Variants in SMOC2 observed in about 807,000 individuals in gnomAD.
SMOC2 encodes SPARC-related modular calcium-binding protein 2.
Under a neutral mutation model 61.4 loss-of-function variants are expected in SMOC2, and 39 were observed. The ratio of observed to expected loss-of-function variants is 0.64; its 90% CI spans 0.49 to 0.83. SMOC2 has a LOEUF of 0.83. Ranked by LOEUF, SMOC2 falls within the 40% of genes least tolerant of loss-of-function variation. The pLI, the probability that SMOC2 is intolerant of heterozygous loss-of-function variation, is 0.00. For synonymous variants in SMOC2, 247 were observed against 239.9 expected (o/e 1.03, Z -0.27); for missense variants, 556 against 592.9 (o/e 0.94, Z 0.65).
intron 2 of SMOC2, among the ~76,000 whole-genome samples, chr6:168,519,644 A>C (rs528434844): frequency 2.3e-4 from 35 of 152,232 alleles, no homozygotes; most frequent in African/African-American, 8.4e-4. Context: ...CACCAAACCC[A>C]AGGCACCGGC....
At chr6:168,634,240 G>T (rs1199248678) in intron 9 of SMOC2, among the ~76,000 whole-genome samples, 1 of 152,146 alleles carries the variant, frequency 6.6e-6, no homozygotes, top group African/African-American at 2.4e-5. Context: ...CTACTTCATG[G>T]CTGAGCCTCT....
At chr6:168,636,593 G>A (rs74636706) in intron 9 of SMOC2, among the ~76,000 whole-genome samples, 3,202 of 152,304 alleles carry the variant, frequency 0.021, 100 homozygotes, top group African/African-American at 0.065. Flanking sequence ...GACTCCCCAC[G>A]AAGGAGTACA....
intron 11 of SMOC2, among the ~76,000 whole-genome samples, chr6:168,653,612 C>T (rs572110982): frequency 5.2e-4 from 77 of 147,322 alleles, no homozygotes; most frequent in African/African-American, 1.8e-3. Flanking sequence ...ACCAACCCTG[C>T]TCCTGAGCTC....
At chr6:168,662,438 A>G (rs1787532165) in intron 11 of SMOC2, among the ~76,000 whole-genome samples, 1 of 152,166 alleles carries the variant, frequency 6.6e-6, no homozygotes, top group Admixed American at 6.5e-5. Context: ...CAGCCTGCAG[A>G]GGACAGCAGG....
At chr6:168,463,233 C>A (rs1276803598) in intron 1 of SMOC2, among the ~76,000 whole-genome samples, 1 of 152,132 alleles carries the variant, frequency 6.6e-6, no homozygotes, top group Admixed American at 6.5e-5. Context: ...TAATAGACCC[C>A]CTTTTCCCGT....
At chr6:168,615,060 C>A (rs72503840) in intron 9 of SMOC2, among the ~76,000 whole-genome samples, 1 of 52,254 alleles carries the variant, frequency 1.9e-5, no homozygotes. Flanking sequence ...CAGCACAGGG[C>A]CTCTTCATAC....
At chr6:168,538,276 C>T (rs1481405255) in intron 4 of SMOC2, among the ~76,000 whole-genome samples, 11 of 138,940 alleles carry the variant, frequency 7.9e-5, no homozygotes, top group Admixed American at 7.2e-4. Context: ...GTGGGGTGAC[C>T]CCTGCTGGAA....
chr6:168,551,002 C>A (rs1335168225), intron 7 of SMOC2, among the ~76,000 whole-genome samples: 1 of 152,184 alleles, frequency 6.6e-6, no homozygotes, highest in East Asian at 1.9e-4. Context: ...GAATTGTAAT[C>A]CCCATAATCT....
At chr6:168,530,518 G>T (rs1399870738) in intron 4 of SMOC2, among the ~76,000 whole-genome samples, 1 of 152,102 alleles carries the variant, frequency 6.6e-6, no homozygotes, top group African/African-American at 2.4e-5. Context: ...AGTAAAGGCA[G>T]GAAAAGGTGC....
intron 2 of SMOC2, among the ~76,000 whole-genome samples, chr6:168,513,194 T>C (rs946245291): frequency 2.0e-5 from 3 of 152,240 alleles, no homozygotes; most frequent in Non-Finnish European, 4.4e-5. Context: ...AAATAGAATA[T>C]ACCATTTAAA....
intron 7 of SMOC2, among the ~76,000 whole-genome samples, chr6:168,563,348 ATATG>A (rs1784467338): frequency 6.6e-6 from 1 of 152,098 alleles, no homozygotes; most frequent in African/African-American, 2.4e-5. Flanking sequence ...GTATGTGTGT[ATATG>A]TATGTGTGTA....
At chr6:168,586,432 G>C (rs117645433) in intron 7 of SMOC2, among the ~76,000 whole-genome samples, 1 of 152,172 alleles carries the variant, frequency 6.6e-6, no homozygotes, top group Non-Finnish European at 1.5e-5. Context: ...TAGTCCCCCA[G>C]TGTGGCTCTT....
At chr6:168,570,279 C>T (rs1161580246) in intron 7 of SMOC2, among the ~76,000 whole-genome samples, 1 of 152,088 alleles carries the variant, frequency 6.6e-6, no homozygotes, top group African/African-American at 2.4e-5. Flanking sequence ...ATGAGAGGTG[C>T]AATGCACAGA....
At chr6:168,555,069 A>ACAGCGCT (rs1784215046) in intron 7 of SMOC2, among the ~76,000 whole-genome samples, 1 of 152,240 alleles carries the variant, frequency 6.6e-6, no homozygotes, top group Non-Finnish European at 1.5e-5. Flanking sequence ...CAGCATCTGC[A>ACAGCGCT]CAGCGCTCAG....
intron 1 of SMOC2, among the ~76,000 whole-genome samples, chr6:168,489,184 C>T (rs1381370777): frequency 7.6e-6 from 1 of 131,404 alleles, no homozygotes; most frequent in Non-Finnish European, 1.6e-5. Flanking sequence ...GGTCCCCTTG[C>T]ATCACACTGT....
At chr6:168,519,148 C>T (rs1583075312) in intron 2 of SMOC2, among the ~76,000 whole-genome samples, 1 of 138,666 alleles carries the variant, frequency 7.2e-6, no homozygotes, top group East Asian at 2.2e-4. Flanking sequence ...CATGTGTGAG[C>T]ATGCGTGTGT....
intron 1 of SMOC2, among the ~76,000 whole-genome samples, chr6:168,457,417 C>T (rs574233827): frequency 2.0e-4 from 30 of 151,728 alleles, no homozygotes; most frequent in African/African-American, 2.4e-4. Context: ...CAGCGACAAA[C>T]GGCACCCACC....
At chr6:168,493,186 G>A (rs752330663) in intron 1 of SMOC2, among the ~76,000 whole-genome samples, 1 of 151,944 alleles carries the variant, frequency 6.6e-6, no homozygotes, top group Admixed American at 6.6e-5. Flanking sequence ...ACAGGTACAC[G>A]CCACTACGCC....
chr6:168,577,614 G>A (rs981782922), intron 7 of SMOC2, among the ~76,000 whole-genome samples: 1 of 152,160 alleles, frequency 6.6e-6, no homozygotes, highest in African/African-American at 2.4e-5. Flanking sequence ...TGGGTGACAC[G>A]CACCCTCATC....
Sources: allele counts gnomAD v4.1 joint callset (sites outside exome capture counted in the v4.1 genomes callset), GRCh38; gene constraint gnomAD v4.1.1; transcripts MANE v1.5; gene names NCBI Gene and HGNC (gene_info 2026-07-23, HGNC 2026-07-21).